Variants in SULF2 observed in about 807,000 individuals in gnomAD.
The protein encoded by SULF2 is extracellular sulfatase Sulf-2.
SULF2 carries 52 observed loss-of-function variants against 107.7 expected under a neutral mutation model. The observed-to-expected ratio is 0.48, with a 90% CI of 0.39 to 0.61. The LOEUF (loss-of-function observed/expected upper bound fraction) is 0.61. Ranked by LOEUF, SULF2 falls within the 20% of genes least tolerant of loss-of-function variation. SULF2 has a pLI of 0.00. For synonymous variants in SULF2, 460 were observed against 464.3 expected, an observed-to-expected ratio of 0.99 and a Z score of 0.12; for missense variants, 993 against 1,177.3, an observed-to-expected ratio of 0.84 and a Z score of 2.29.
In SULF2 at chr20:47,757,183, G is replaced by A. The variant is rs749550670; in HGVS notation, c.175+6C>T. 5.2e-6 allele frequency: 8 copies of A among 1,548,990 alleles called. No homozygotes were observed. The highest frequency in any genetic ancestry group is 7.0e-6 in the Non-Finnish European group (8 of 1,144,278). ...CGAGGTGCCACCCTGGGGCCCCGAGGCTTACCCAGCTCCACATCCTGGTCG... is the reference window on the plus strand; with the variant it reads ...CGAGGTGCCACCCTGGGGCCCCGAGACTTACCCAGCTCCACATCCTGGTCG... On this transcript the variant is annotated splice_donor_region_variant and intron_variant, in intron 2 of 20. Coordinates refer to ENST00000688720, the MANE Select transcript of SULF2 (RefSeq NM_001387048.1).
chr20:47,660,062 G>A (rs2087016399), intron 18 of SULF2, among the ~76,000 whole-genome samples: 1 of 152,218 alleles, frequency 6.6e-6, no homozygotes, highest in South Asian at 2.1e-4. Flanking sequence ...AGAAAGCCAA[G>A]AGCCCTGACC....
intron 10 of SULF2, among the ~76,000 whole-genome samples, chr20:47,672,787 T>A (rs2087521092): frequency 1.3e-5 from 2 of 152,132 alleles, no homozygotes. Context: ...TCTTTGAACA[T>A]CCTCTGCAAT....
chr20:47,708,357 C>T (rs935282504), intron 3 of SULF2, among the ~76,000 whole-genome samples: 86 of 152,028 alleles, frequency 5.7e-4, no homozygotes, highest in African/African-American at 2.0e-3. Context: ...CATCGCAGAA[C>T]CCAAGGGGGA....
chr20:47,744,838 C>T (rs887665430), intron 2 of SULF2, among the ~76,000 whole-genome samples: 1 of 152,126 alleles, frequency 6.6e-6, no homozygotes, highest in Non-Finnish European at 1.5e-5. Context: ...GAAGGGGGCA[C>T]CACACACCCC....
intron 1 of SULF2, among the ~76,000 whole-genome samples, chr20:47,777,049 G>C (rs531499283): frequency 9.8e-5 from 15 of 152,310 alleles, no homozygotes; most frequent in African/African-American, 3.6e-4. Flanking sequence ...CGATGAACAA[G>C]ACAGACAATG....
At chr20:47,758,327 G>A (rs1039616664) in intron 1 of SULF2, among the ~76,000 whole-genome samples, 79 of 151,898 alleles carry the variant, frequency 5.2e-4, no homozygotes, top group Non-Finnish European at 8.7e-4. Context: ...CTGCCACCAC[G>A]CCCGGCTAAT....
intron 17 of SULF2, among the ~76,000 whole-genome samples, chr20:47,662,564 A>G (rs1345314429): frequency 1.3e-5 from 2 of 152,254 alleles, no homozygotes; most frequent in South Asian, 4.1e-4. Context: ...ACAAGGGCCC[A>G]CATGTTCCGA....
chr20:47,694,121 G>C lies in SULF2; in HGVS notation c.568-3826C>G, dbSNP rs2088294095. ...CCAAAGCTGCCACCCTGCTCCACCA[G>C]TGGGCAGTTAGTGCCAGGCCAGCCA... On this transcript the variant is annotated intron_variant, in intron 4 of 20. Transcript: ENST00000688720. This position sits in a 1 kb window ranked among gnomAD's most constrained non-coding sequence, Gnocchi z 4.4. Among the ~76,000 whole-genome samples, 1 of 152,230 alleles carries C rather than the reference G, an allele frequency of 6.6e-6. No homozygotes were observed. The highest frequency in any genetic ancestry group is 1.5e-5 in the Non-Finnish European group (1 of 68,038).
intron 1 of SULF2, among the ~76,000 whole-genome samples, chr20:47,769,588 T>C (rs879732211): frequency 2.0e-5 from 3 of 152,118 alleles, no homozygotes; most frequent in Non-Finnish European, 4.4e-5. Flanking sequence ...CGGCCCCAGC[T>C]CCTGGCAGAG....
At chr20:47,750,641 T>G (rs1052539525) in intron 2 of SULF2, among the ~76,000 whole-genome samples, 1 of 152,222 alleles carries the variant, frequency 6.6e-6, no homozygotes, top group Non-Finnish European at 1.5e-5. Flanking sequence ...TGTCCTCCTC[T>G]GCTCAATGTC....
At chr20:47,662,209 A>G (rs1403336631) in intron 17 of SULF2, among the ~76,000 whole-genome samples, 1 of 152,160 alleles carries the variant, frequency 6.6e-6, no homozygotes, top group Non-Finnish European at 1.5e-5. Flanking sequence ...AAGCCTTCCA[A>G]GTCTTGGTTT....
At chr20:47,780,808 C>G (rs2122726725) in intron 1 of SULF2, among the ~76,000 whole-genome samples, 1 of 152,322 alleles carries the variant, frequency 6.6e-6, no homozygotes, top group Middle Eastern at 3.4e-3. Flanking sequence ...CCCACCTCGG[C>G]CTCTCAAAGT....
Position 47,683,094 on chromosome 20 carries a change from TGTG to T in SULF2, c.961_963del (p.His321del). 6.2e-7 allele frequency: 1 copy of T among 1,613,692 alleles called. No individual in the cohort carries two copies. On this transcript the variant is annotated inframe_deletion, in exon 7 of 21. Transcript: ENST00000688720. ...CCTTTCACCAGGCCAAACTGGCCGA[TGTG>T]GTAACCGTGGTCGGCGGTGTATACG...
chr20:47,743,463 C>G (rs180877680), intron 2 of SULF2, among the ~76,000 whole-genome samples: 14 of 152,246 alleles, frequency 9.2e-5, no homozygotes, highest in African/African-American at 3.1e-4. Flanking sequence ...GTGTACACTA[C>G]CACACTCAGC....
At chr20:47,692,543 TAGG>T in intron 4 of SULF2, among the ~76,000 whole-genome samples, 1 of 152,068 alleles carries the variant, frequency 6.6e-6, no homozygotes, top group African/African-American at 2.4e-5. Context: ...TCTAAGTAGC[TAGG>T]ACTATAGGCA....
chr20:47,743,300 C>T (rs1022583401), intron 2 of SULF2, among the ~76,000 whole-genome samples: 7 of 150,256 alleles, frequency 4.7e-5, no homozygotes, highest in Non-Finnish European at 1.0e-4. Flanking sequence ...TTCTATTCTC[C>T]GTTTGGTGGC....
intron 1 of SULF2, among the ~76,000 whole-genome samples, chr20:47,774,468 T>C (rs577917965): frequency 2.0e-5 from 3 of 152,234 alleles, no homozygotes; most frequent in African/African-American, 4.8e-5. Context: ...CCCTATCTTC[T>C]GGAGGGGGAT....
intron 2 of SULF2, among the ~76,000 whole-genome samples, chr20:47,746,994 A>AAAATATATAT (rs1555853890): frequency 1.5e-5 from 2 of 131,892 alleles, no homozygotes; most frequent in Non-Finnish European, 3.3e-5. Flanking sequence ...AAAAAAAAAA[A>AAAATATATAT]ATATATATAT....
Position 47,672,409 on chromosome 20 carries a change from G to T in SULF2, c.1381-16C>A. ...ACTGCCACTTCTGAAAGACATGCCA[G>T]GGCCTCGGCCAGCTGCTCATCTGCT... On this transcript the variant is annotated splice_polypyrimidine_tract_variant and intron_variant, in intron 10 of 20. Transcript: ENST00000688720. 1 of 1,579,794 alleles carries T rather than the reference G, an allele frequency of 6.3e-7. No individual in the cohort carries two copies. Among genetic ancestry groups the T allele is most frequent in the Non-Finnish European group, 8.6e-7 (1 of 1,163,324 alleles).
Sources: gnomAD v4.1 joint callset for allele counts (sites outside exome capture counted in the v4.1 genomes callset) on GRCh38, gnomAD v4.1.1 for gene constraint, Gnocchi (gnomAD v3.1) non-coding constraint, MANE v1.5 for transcripts, NCBI Gene and HGNC (gene_info 2026-07-23, HGNC 2026-07-21) for gene names.